GNAI1: variants seen among roughly 807,000 people sequenced by gnomAD.
GNAI1 encodes guanine nucleotide-binding protein G(i) subunit alpha-1.
In GNAI1, 11 loss-of-function variants were observed where a neutral mutation model predicts 38.9. That is an observed-to-expected ratio of 0.28 (90% CI 0.18 to 0.47). GNAI1 has a LOEUF of 0.47. GNAI1 is among the 20% of genes least tolerant of loss of function. The pLI is 0.99. For missense variants in GNAI1, 317 were observed against 436.9 expected (o/e 0.73, Z 2.45); for synonymous variants, 166 against 145.1 (o/e 1.14, Z -1.04).
chr7:80,207,914 CT>C (rs888599962), intron 5 of GNAI1, among the ~76,000 whole-genome samples: 27 of 151,866 alleles, frequency 1.8e-4, no homozygotes, highest in African/African-American at 5.8e-4. Flanking sequence ...CTGTGTTTTA[CT>C]TTTTTTTGTC....
intron 1 of GNAI1, among the ~76,000 whole-genome samples, chr7:80,177,260 C>CA (rs1299687911): frequency 6.6e-6 from 1 of 151,778 alleles, no homozygotes; most frequent in Non-Finnish European, 1.5e-5. Context: ...TTGATCTCCT[C>CA]ACCTTGTGAT....
intron 1 of GNAI1, among the ~76,000 whole-genome samples, chr7:80,156,779 C>G (rs118070738): frequency 0.011 from 1,668 of 152,164 alleles, 18 homozygotes; most frequent in Non-Finnish European, 0.018. Context: ...CTTTCTAATT[C>G]TATAATTTTT....
At chr7:80,145,647 T>A (rs2116084234) in intron 1 of GNAI1, among the ~76,000 whole-genome samples, 1 of 152,344 alleles carries the variant, frequency 6.6e-6, no homozygotes, top group East Asian at 1.9e-4. Flanking sequence ...TCTGGCTTTT[T>A]CAAAGCCATT....
chr7:80,203,616 G>A (rs1788725906), intron 4 of GNAI1, 88 bp from the exon 5 acceptor site: 1 of 755,004 alleles, frequency 1.3e-6, no homozygotes, highest in Non-Finnish European at 2.2e-6. Flanking sequence ...ATTATCGCTT[G>A]TATTGAAATG....
chr7:80,176,277 G>A (rs73378667), intron 1 of GNAI1, among the ~76,000 whole-genome samples: 346 of 152,314 alleles, frequency 2.3e-3, no homozygotes, highest in African/African-American at 8.0e-3. Context: ...TTCCGTGAAG[G>A]TTGAGAGAAG....
intron 1 of GNAI1, among the ~76,000 whole-genome samples, chr7:80,164,192 G>A (rs1787973868): frequency 6.7e-6 from 1 of 149,342 alleles, no homozygotes; most frequent in Non-Finnish European, 1.5e-5. Context: ...CTACAGGTGT[G>A]CGCCACCACA....
intron 1 of GNAI1, among the ~76,000 whole-genome samples, chr7:80,185,180 G>A (rs2115617173): frequency 6.6e-6 from 1 of 152,160 alleles, no homozygotes; most frequent in South Asian, 2.1e-4. Flanking sequence ...TCCTGCTGAA[G>A]CCATGTTCAC....
At chr7:80,173,085 T>C (rs968957238) in intron 1 of GNAI1, among the ~76,000 whole-genome samples, 2 of 152,134 alleles carry the variant, frequency 1.3e-5, no homozygotes, top group Admixed American at 6.6e-5. Context: ...ATGGAACTGA[T>C]GGGTACTGGT....
intron 1 of GNAI1, among the ~76,000 whole-genome samples, chr7:80,167,069 A>G (rs924699809): frequency 6.6e-6 from 1 of 152,172 alleles, no homozygotes; most frequent in Non-Finnish European, 1.5e-5. Flanking sequence ...GTAGTGTTTA[A>G]GAAGCTAAGG....
At chr7:80,169,024 T>G (rs1471208149) in intron 1 of GNAI1, among the ~76,000 whole-genome samples, 1 of 152,230 alleles carries the variant, frequency 6.6e-6, no homozygotes, top group Non-Finnish European at 1.5e-5. Flanking sequence ...GTTCTGTCCC[T>G]TAAATGTAAC....
intron 1 of GNAI1, among the ~76,000 whole-genome samples, chr7:80,171,967 T>C (rs1788105069): frequency 6.6e-6 from 1 of 152,216 alleles, no homozygotes; most frequent in Admixed American, 6.5e-5. Flanking sequence ...AGAATAGTGG[T>C]CCAGTGAAAA....
intron 1 of GNAI1, among the ~76,000 whole-genome samples, chr7:80,139,444 CTG>C (rs879393580): frequency 3.9e-5 from 6 of 152,192 alleles, no homozygotes; most frequent in Non-Finnish European, 7.3e-5. Flanking sequence ...CAAACAGAAA[CTG>C]TTGGCACATG....
intron 1 of GNAI1, among the ~76,000 whole-genome samples, chr7:80,150,578 GTTAC>G (rs970565849): frequency 6.6e-6 from 1 of 152,184 alleles, no homozygotes; most frequent in African/African-American, 2.4e-5. Context: ...CAGAGTGCTG[GTTAC>G]TTCTGAGGAG....
chr7:80,221,941 GTTTTC>G lies in GNAI1; in HGVS notation c.*4453_*4457del, dbSNP rs1347792565. Among the ~76,000 whole-genome samples the G allele has an allele frequency of 2.6e-5, 4 of 151,926 alleles. No individual in the cohort carries two copies. Among genetic ancestry groups the G allele is most frequent in the South Asian group, 2.1e-4 (1 of 4,808 alleles). Reference sequence around the variant, plus strand: ...AGACGTGAGCCACTGCGCCCAGCCAGTTTTCTTTTTTAGTTCTTTTCAAAACCCTT... The same window carrying G: ...AGACGTGAGCCACTGCGCCCAGCCAGTTTTTTAGTTCTTTTCAAAACCCTT... On this transcript the variant is annotated 3_prime_UTR_variant, in exon 8 of 8. Coordinates refer to ENST00000649796, the MANE Select transcript of GNAI1 (RefSeq NM_002069.6).
chr7:80,189,488 T>A (rs2115634031), intron 3 of GNAI1, among the ~76,000 whole-genome samples: 1 of 152,208 alleles, frequency 6.6e-6, no homozygotes, highest in East Asian at 1.9e-4. Context: ...CAGTGCTTTC[T>A]GTGTAGCATG....
intron 1 of GNAI1, among the ~76,000 whole-genome samples, chr7:80,178,057 C>A (rs950608279): frequency 6.6e-5 from 10 of 152,160 alleles, no homozygotes; most frequent in African/African-American, 2.2e-4. Context: ...TTCTAACCCT[C>A]ATGAATGACT....
intron 1 of GNAI1, among the ~76,000 whole-genome samples, chr7:80,153,916 AAATT>A (rs1246944228): frequency 2.6e-5 from 4 of 152,018 alleles, no homozygotes; most frequent in South Asian, 4.1e-4. Flanking sequence ...ATTATTTTTT[AAATT>A]AATTAATTAT....
intron 1 of GNAI1, among the ~76,000 whole-genome samples, chr7:80,174,455 G>GT (rs546784682): frequency 0.07 from 8,926 of 127,706 alleles, 355 homozygotes; most frequent in Non-Finnish European, 0.099. Flanking sequence ...ATCTTCTGCT[G>GT]TTTTTTTTTT....
rs756845959 is a variant in GNAI1 at position 80,219,466 on chromosome 7, TTTC to T, written c.*1979_*1981del. The T allele has an allele frequency of 1.0e-4, 16 of 152,626 alleles. No homozygotes were observed. The highest frequency in any genetic ancestry group is 2.1e-4 in the Non-Finnish European group (14 of 68,016). 9.5% of individuals were successfully genotyped at this position (152,626 alleles called of 1,614,324 possible). ...TAAGTATCAGTCTGTTGTTTCTTCA[TTTC>T]TTCTTTTTCTATGCTCTTTTTACAA... is the stretch of plus-strand genomic sequence containing the variant. On this transcript the variant is annotated 3_prime_UTR_variant, in exon 8 of 8. Coordinates refer to ENST00000649796, the MANE Select transcript of GNAI1 (RefSeq NM_002069.6).
Sources: gnomAD v4.1 joint callset for allele counts (sites outside exome capture counted in the v4.1 genomes callset) on GRCh38, gnomAD v4.1.1 for gene constraint, MANE v1.5 for transcripts, NCBI Gene and HGNC (gene_info 2026-07-23, HGNC 2026-07-21) for gene names.